The following BLK variants were observed in gnomAD, a reference collection of about 807,000 sequenced individuals.
BLK encodes the protein tyrosine-protein kinase Blk.
A neutral mutation model predicts 61.8 loss-of-function variants in BLK; 64 were observed. That is an observed-to-expected ratio of 1.03 (90% CI 0.85 to 1.27). BLK has a LOEUF of 1.27. Among genes scored for constraint, BLK ranks in the 50% most tolerant of loss-of-function variants. The pLI is 0.00. For synonymous variants in BLK, 351 were observed against 272.0 expected, an observed-to-expected ratio of 1.29 and a Z score of -2.86; for missense variants, 853 against 660.5, an observed-to-expected ratio of 1.29 and a Z score of -3.19.
chr8:11,553,951 C>T (rs1048244275), intron 6 of BLK, among the ~76,000 whole-genome samples: 1 of 152,134 alleles, frequency 6.6e-6, no homozygotes, highest in Non-Finnish European at 1.5e-5. Flanking sequence ...CGTGGTACTG[C>T]TCGAGGTAGG....
At chr8:11,534,593 C>T (rs1800032240) in intron 1 of BLK, among the ~76,000 whole-genome samples, 1 of 152,212 alleles carries the variant, frequency 6.6e-6, no homozygotes, top group African/African-American at 2.4e-5. Context: ...CACCCTCAAA[C>T]TTTTTACCAC....
intron 1 of BLK, among the ~76,000 whole-genome samples, chr8:11,520,637 G>T (rs1310790406): frequency 6.6e-6 from 1 of 152,130 alleles, no homozygotes; most frequent in Non-Finnish European, 1.5e-5. Context: ...CAAGCCTATA[G>T]CCAGATTCAG....
intron 1 of BLK, among the ~76,000 whole-genome samples, chr8:11,501,889 G>T (rs1798575106): frequency 6.6e-6 from 1 of 152,232 alleles, no homozygotes; most frequent in African/African-American, 2.4e-5. Flanking sequence ...TCAATATTCA[G>T]AAAAGTTTCC....
At chr8:11,500,497 GT>G (rs545892764) in intron 1 of BLK, among the ~76,000 whole-genome samples, 3 of 149,820 alleles carry the variant, frequency 2.0e-5, no homozygotes, top group East Asian at 2.0e-4. Flanking sequence ...CACCTGGCCT[GT>G]TTTTTTGTTT....
intron 10 of BLK, chr8:11,560,596 T>C (rs576824671): frequency 1.1e-4 from 36 of 332,598 alleles, no homozygotes; most frequent in African/African-American, 7.5e-4. Context: ...AGCTAAAAGG[T>C]GCCAAGTAGC....
Position 11,563,891 on chromosome 8 carries a change from C to G in BLK, c.1313-12C>G. On this transcript the variant is annotated splice_polypyrimidine_tract_variant and intron_variant, in intron 12 of 12. Transcript: ENST00000259089. ...AGCCCCTCACCCCCGCTTGCGGTCT[C>G]CTCTGCCGCAGGGATGAGCAACCCC... The G allele has an allele frequency of 1.2e-6, 2 of 1,607,168 alleles. No individual in the cohort carries two copies. The highest frequency in any genetic ancestry group is 1.7e-6 in the Non-Finnish European group (2 of 1,178,642).
At chr8:11,516,351 G>C (rs561775367) in intron 1 of BLK, among the ~76,000 whole-genome samples, 5 of 151,942 alleles carry the variant, frequency 3.3e-5, no homozygotes, top group Non-Finnish European at 7.3e-5. Context: ...AGACTTCACA[G>C]ACCCCGAGTC....
intron 1 of BLK, among the ~76,000 whole-genome samples, chr8:11,535,250 A>AAAGAAAGAAAG (rs1423267542): frequency 1.4e-5 from 2 of 138,130 alleles, no homozygotes; most frequent in Non-Finnish European, 1.6e-5. Context: ...GAAGGAAAGG[A>AAAGAAAGAAAG]AAGAAAGAAA....
chr8:11,563,527 C>T (rs1243175455), intron 12 of BLK, among the ~76,000 whole-genome samples: 1 of 152,166 alleles, frequency 6.6e-6, no homozygotes, highest in African/African-American at 2.4e-5. Flanking sequence ...AGCCACTTGG[C>T]CCCCACAGGT....
chr8:11,505,321 G>A (rs1798727908), intron 1 of BLK, among the ~76,000 whole-genome samples: 1 of 152,064 alleles, frequency 6.6e-6, no homozygotes, highest in Admixed American at 6.5e-5. Context: ...TTGTCAAATA[G>A]CAAGAGATCT....
intron 11 of BLK, 90 bp from the exon 12 acceptor site, chr8:11,562,889 G>T: frequency 1.9e-6 from 3 of 1,582,918 alleles, no homozygotes; most frequent in South Asian, 1.1e-5. Context: ...GGGCTTGATG[G>T]AAGGACAGCA....
chr8:11,497,073 C>T (rs1430283387), intron 1 of BLK, among the ~76,000 whole-genome samples: 1 of 152,076 alleles, frequency 6.6e-6, no homozygotes, highest in East Asian at 1.9e-4. Flanking sequence ...GTGAGCCCTA[C>T]TCAAAGGTGA....
chr8:11,523,383 G>A (rs903161700), intron 1 of BLK, among the ~76,000 whole-genome samples: 7 of 152,070 alleles, frequency 4.6e-5, no homozygotes, highest in South Asian at 2.1e-4. Context: ...GAGATACCCC[G>A]TCTCTACTAA....
chr8:11,548,370 G>A (rs1448883007), intron 4 of BLK, among the ~76,000 whole-genome samples: 4 of 152,090 alleles, frequency 2.6e-5, no homozygotes, highest in African/African-American at 9.7e-5. Flanking sequence ...CCATGCCACC[G>A]CCTCCATGCA....
chr8:11,517,180 T>A (rs1174255239), intron 1 of BLK, among the ~76,000 whole-genome samples: 1 of 152,148 alleles, frequency 6.6e-6, no homozygotes, highest in Non-Finnish European at 1.5e-5. Flanking sequence ...CTGGAAAGAA[T>A]GAAGGTGGCT....
rs1469412585 is a variant in BLK, at chr8:11,564,496, A to G, written c.*388A>G. On this transcript the variant is annotated 3_prime_UTR_variant, in exon 13 of 13. Transcript: ENST00000259089. ...TGCGTGGACCCCGCCCTGCCCCGCTACAGAAGCCAGACTGGGTCCCGCGGA... is the reference window on the plus strand; with the variant it reads ...TGCGTGGACCCCGCCCTGCCCCGCTGCAGAAGCCAGACTGGGTCCCGCGGA... The G allele has an allele frequency of 3.9e-6, 2 of 509,058 alleles. No homozygotes were observed. Among genetic ancestry groups the G allele is most frequent in the East Asian group, 5.2e-5 (1 of 19,120 alleles). 31.5% of individuals were successfully genotyped at this position (509,058 alleles called of 1,614,324 possible). A position where few individuals can be genotyped will look rare whatever the true frequency, so the allele number is the denominator to read the frequency against.
intron 6 of BLK, chr8:11,554,279 C>T (rs538748844): frequency 1.7e-4 from 39 of 223,224 alleles, no homozygotes; most frequent in African/African-American, 7.0e-4. Flanking sequence ...TAGCTTATTA[C>T]GGTGTCCGCC....
In BLK at chr8:11,555,423, C is replaced by T. The variant is rs143699141; in HGVS notation, c.711C>T (p.Pro237=). The stretch of plus-strand genomic sequence containing the variant: ...GGGCCCAGGATGAATGGGAGATCCC[C>T]CGGCAGTCTCTCAGGCTGGTCAGGA... The part of the protein sequence containing the change: ...NPWAQDEWEI[P]RQSLRLVRKL... The change falls in exon 8 of 13, where the codon CCC becomes CCT. Residue 237 remains proline (P), a synonymous_variant. Transcript: ENST00000259089. The T allele has an allele frequency of 1.3e-3, 2,110 of 1,614,168 alleles. 5 individuals carry two copies. The highest frequency in any genetic ancestry group is 1.4e-3 in the Non-Finnish European group (1,634 of 1,180,012).
chr8:11,554,916 G>C (rs905127366), intron 7 of BLK, 27 bp downstream of exon 7: 2 of 1,608,310 alleles, frequency 1.2e-6, no homozygotes, highest in Non-Finnish European at 1.7e-6. Context: ...AATGGGGGCA[G>C]GGACTTGTGC....
Sources: allele counts gnomAD v4.1 joint callset (sites outside exome capture counted in the v4.1 genomes callset), GRCh38; gene constraint gnomAD v4.1.1; transcripts MANE v1.5; gene names NCBI Gene and HGNC (gene_info 2026-07-23, HGNC 2026-07-21).